Variants in ATAD5 observed in about 807,000 individuals in gnomAD.
The protein encoded by ATAD5 is ATPase family AAA domain-containing protein 5.
ATAD5 carries 58 observed loss-of-function variants against 176.9 expected under a neutral mutation model. The ratio of observed to expected loss-of-function variants is 0.33; its 90% CI spans 0.27 to 0.41. The LOEUF (loss-of-function observed/expected upper bound fraction) is 0.41. Among genes scored for constraint, ATAD5 ranks in the 10% least tolerant of loss-of-function variants. ATAD5 has a pLI of 1.00. For synonymous variants in ATAD5, 640 were observed against 712.6 expected (o/e 0.90, Z 1.62); for missense variants, 1,789 against 2,094.1 (o/e 0.85, Z 2.84).
At position 30,835,800 on chromosome 17, in the gene ATAD5, G is replaced by A; in HGVS notation, c.1719G>A (p.Lys573=). Reference sequence around the variant, plus strand: ...CCAGCATACCAGTTAAAGATATTAAGCTTACACAGTCTAAAGCTGAATCTG... The same window carrying A: ...CCAGCATACCAGTTAAAGATATTAAACTTACACAGTCTAAAGCTGAATCTG... ...RKTSIPVKDI[K]LTQSKAESEA... The change falls in exon 2 of 23, where the codon AAG becomes AAA. Residue 573 remains lysine, a synonymous_variant. Transcript: ENST00000321990. 4 of 1,613,482 alleles carry A rather than the reference G, an allele frequency of 2.5e-6. No individual in the cohort carries two copies. Among genetic ancestry groups the A allele is most frequent in the South Asian group, 1.1e-5 (1 of 90,892 alleles).
At position 30,894,938 on chromosome 17, in the gene ATAD5, A is replaced by G. The variant is rs991756723; in HGVS notation, c.*25A>G. 1.1e-5 allele frequency: 16 copies of G among 1,486,068 alleles called. 1 individual carries two copies. The African/African-American group carries it at 2.0e-4, about 18-fold the overall frequency. 92.1% of individuals were successfully genotyped at this position (1,486,068 alleles called of 1,614,324 possible). A position where few individuals can be genotyped will look rare whatever the true frequency, so the allele number is the denominator to read the frequency against. On this transcript the variant is annotated 3_prime_UTR_variant, in exon 23 of 23. Coordinates refer to ENST00000321990, the MANE Select transcript of ATAD5 (RefSeq NM_024857.5). ...ATGTTCCATACTAACAATGCTTTGT[A>G]TAGATTATCATGTGGTCCTTAAGAT...
In ATAD5 at chr17:30,843,929, T is replaced by C; in HGVS notation, c.2258T>C (p.Ile753Thr). Residue 753 changes from isoleucine (I) to threonine (T), a missense_variant, in exon 5 of 23, where the codon ATA (isoleucine) becomes ACA (threonine). Transcript: ENST00000321990. The stretch of plus-strand genomic sequence containing the variant: ...TTGTCTTAGGATTCTGTTATAATAA[T>C]AGATTCAAGTCCTACTGCTTTAAAG... ...LSETEDSVII[I>T]DSSPTALKHP... 1.4e-6 allele frequency: 2 copies of C among 1,418,418 alleles called. No individual in the cohort carries two copies. Among genetic ancestry groups the C allele is most frequent in the South Asian group, 2.8e-5 (2 of 72,462 alleles). 87.9% of individuals were successfully genotyped at this position (1,418,418 alleles called of 1,614,324 possible).
intron 9 of ATAD5, among the ~76,000 whole-genome samples, chr17:30,859,436 T>C (rs1202515640): frequency 6.6e-6 from 1 of 152,132 alleles, no homozygotes; most frequent in East Asian, 1.9e-4. Flanking sequence ...CTCAGCTCAG[T>C]GCAACCTCTG....
At chr17:30,869,999 A>G in intron 14 of ATAD5, 1 of 189,890 alleles carries the variant, frequency 5.3e-6, no homozygotes, top group Non-Finnish European at 1.1e-5. Flanking sequence ...CTGTAGTCCC[A>G]GCTACTCTGG....
At chr17:30,858,433 TG>T (rs1241425819) in intron 9 of ATAD5, 110 bp downstream of exon 9, 1 of 768,596 alleles carries the variant, frequency 1.3e-6, no homozygotes, top group Non-Finnish European at 1.8e-6. Context: ...TCGCCCTGGC[TG>T]GAGTGCAGTG....
chr17:30,838,377 G>C (rs567124194), intron 3 of ATAD5, among the ~76,000 whole-genome samples: 1 of 151,988 alleles, frequency 6.6e-6, no homozygotes, highest in African/African-American at 2.4e-5. Context: ...GTCATTTTTT[G>C]GCATCTTACC....
intron 19 of ATAD5, among the ~76,000 whole-genome samples, chr17:30,888,501 G>A (rs1041459627): frequency 2.0e-5 from 3 of 151,532 alleles, no homozygotes; most frequent in South Asian, 2.1e-4. Context: ...CCAAGATCAC[G>A]CCACTGCACT....
intron 10 of ATAD5, among the ~76,000 whole-genome samples, chr17:30,863,394 TCTCA>T (rs200618765): frequency 0.11 from 15,603 of 148,552 alleles, 926 homozygotes; most frequent in South Asian, 0.24. Flanking sequence ...TGAGACAGAG[TCTCA>T]CTCTGTTGCC....
At chr17:30,849,383 G>A (rs1035567129) in intron 6 of ATAD5, among the ~76,000 whole-genome samples, 4 of 152,140 alleles carry the variant, frequency 2.6e-5, no homozygotes, top group Non-Finnish European at 2.9e-5. Context: ...AACGTGCACC[G>A]CTGCACCCAG....
chr17:30,858,127 G>A, intron 8 of ATAD5, 34 bp from the exon 9 acceptor site: 1 of 1,443,398 alleles, frequency 6.9e-7, no homozygotes, highest in Non-Finnish European at 9.2e-7. Flanking sequence ...AGATGATGTT[G>A]GTCTGTTATT....
rs774462643 is a variant in ATAD5, at chr17:30,855,260, G to C, written c.2568G>C (p.Ala856=). The C allele has an allele frequency of 6.2e-7, 1 of 1,613,988 alleles. No individual in the cohort carries two copies. Among genetic ancestry groups the C allele is most frequent in the African/African-American group, 1.3e-5 (1 of 74,920 alleles). Residue 856 remains alanine, a synonymous_variant, in exon 7 of 23, where the codon GCG becomes GCC. Coordinates refer to ENST00000321990, the MANE Select transcript of ATAD5 (RefSeq NM_024857.5). ...LKRQIAKKAA[A]LDVYNAVSTS... Reference sequence around the variant, plus strand: ...GGCAAATTGCAAAGAAAGCTGCTGCGCTGGATGTGTACAATGCAGTGAGTA... The same window carrying C: ...GGCAAATTGCAAAGAAAGCTGCTGCCCTGGATGTGTACAATGCAGTGAGTA...
At chr17:30,864,863 A>T (rs1907877288) in intron 10 of ATAD5, 1 of 151,056 alleles carries the variant, frequency 6.6e-6, no homozygotes. Flanking sequence ...TGGTGTATAT[A>T]TGTCCTACAA....
chr17:30,883,051 G>A (rs565842343), intron 18 of ATAD5, among the ~76,000 whole-genome samples: 5 of 151,866 alleles, frequency 3.3e-5, no homozygotes, highest in East Asian at 3.9e-4. Context: ...ATCTAAATAC[G>A]GCTTATTATC....
intron 19 of ATAD5, among the ~76,000 whole-genome samples, chr17:30,892,069 T>C (rs1446496937): frequency 6.6e-6 from 1 of 152,110 alleles, no homozygotes; most frequent in African/African-American, 2.4e-5. Context: ...CCTTGCACTT[T>C]TTCTGTTGGA....
chr17:30,867,176 G>A lies in ATAD5; in HGVS notation c.3234-1157G>A, dbSNP rs564452050. Among the ~76,000 whole-genome samples, 20 of 151,994 alleles carry A rather than the reference G, an allele frequency of 1.3e-4. 1 individual carries two copies. Among genetic ancestry groups the A allele is most frequent in the Admixed American group, 1.2e-3 (18 of 15,224 alleles). On this transcript the variant is annotated intron_variant, in intron 11 of 22. Transcript: ENST00000321990. ...GTGCTTTCGTAAGCTGAGGCAGAAGGACTGCTTGTGGCCAGGAGTTTGAGA... is the reference window on the plus strand; with the variant it reads ...GTGCTTTCGTAAGCTGAGGCAGAAGAACTGCTTGTGGCCAGGAGTTTGAGA...
chr17:30,887,105 G>C (rs1368582343), intron 18 of ATAD5, 87 bp from the exon 19 acceptor site: 1 of 1,190,872 alleles, frequency 8.4e-7, no homozygotes, highest in South Asian at 1.8e-5. Context: ...AGCAAAATTT[G>C]TCTCACTTTT....
chr17:30,850,074 A>T lies in ATAD5; in HGVS notation c.2451-5069A>T, dbSNP rs997107542. 3.9e-5 allele frequency among the ~76,000 whole-genome samples: 6 copies of T among 152,078 alleles called. 1 individual carries two copies. The highest frequency in any genetic ancestry group is 3.9e-4 in the Admixed American group (6 of 15,256). On this transcript the variant is annotated intron_variant, in intron 6 of 22. Coordinates refer to ENST00000321990, the MANE Select transcript of ATAD5 (RefSeq NM_024857.5). The stretch of plus-strand genomic sequence containing the variant: ...GAGGATCACATGAGCCTGGGAGGTC[A>T]TGGCTGCAGTGAGCTGTAATCATGC...
chr17:30,859,435 G>A (rs554266451), intron 9 of ATAD5, among the ~76,000 whole-genome samples: 4 of 152,078 alleles, frequency 2.6e-5, no homozygotes, highest in South Asian at 4.2e-4. Context: ...TCTCAGCTCA[G>A]TGCAACCTCT....
intron 20 of ATAD5, among the ~76,000 whole-genome samples, chr17:30,893,046 A>G (rs1315059963): frequency 6.6e-6 from 1 of 152,194 alleles, no homozygotes; most frequent in Non-Finnish European, 1.5e-5. Context: ...TTTTAAATAA[A>G]TGAGCTTCTA....
Sources: allele counts gnomAD v4.1 joint callset (sites outside exome capture counted in the v4.1 genomes callset), GRCh38; gene constraint gnomAD v4.1.1; transcripts MANE v1.5; gene names NCBI Gene and HGNC (gene_info 2026-07-23, HGNC 2026-07-21).